Variants in MDM1 observed in about 807,000 individuals in gnomAD.
MDM1 encodes Mdm1 nuclear protein.
A neutral mutation model predicts 89.1 loss-of-function variants in MDM1; 61 were observed. That is an observed-to-expected ratio of 0.68 (90% CI 0.56 to 0.85). MDM1 has a LOEUF of 0.85. Among genes scored for constraint, MDM1 ranks in the 40% least tolerant of loss-of-function variants. MDM1 has a pLI of 0.00. For synonymous variants in MDM1, 290 were observed against 294.1 expected (o/e 0.99, Z 0.14); for missense variants, 820 against 846.5 (o/e 0.97, Z 0.39).
At chr12:68,296,398 T>A (rs1275396938) in intron 14 of MDM1, among the ~76,000 whole-genome samples, 1 of 152,184 alleles carries the variant, frequency 6.6e-6, no homozygotes, top group East Asian at 1.9e-4. Context: ...TTTGGGAGGC[T>A]GAGGCAGGAG....
At chr12:68,296,795 G>T in intron 14 of MDM1, 128 bp downstream of exon 14, 2 of 551,842 alleles carry the variant, frequency 3.6e-6, no homozygotes, top group South Asian at 4.3e-5. Context: ...CCCCTCACAG[G>T]GTTTCAAGGA....
chr12:68,316,705 A>G (rs559879472), intron 7 of MDM1, 95 bp from the exon 8 acceptor site: 1 of 966,356 alleles, frequency 1.0e-6, no homozygotes, highest in East Asian at 2.7e-5. Context: ...TCCCTTCTAA[A>G]TATCTACCAA....
intron 2 of MDM1, chr12:68,327,614 G>A (rs1876200468): frequency 8.9e-7 from 1 of 1,118,444 alleles, no homozygotes; most frequent in East Asian, 2.6e-5. Context: ...CTTCTATGAA[G>A]GTAAGAGCAG....
rs750343138 is a variant in MDM1 at position 68,302,879 on chromosome 12, GACA to G, written c.1750-10_1750-8del. 111 of 738,012 alleles carry G rather than the reference GACA, an allele frequency of 1.5e-4. No homozygotes were observed. Among genetic ancestry groups the G allele is most frequent in the South Asian group, 1.5e-3 (27 of 18,126 alleles). 45.7% of individuals were successfully genotyped at this position (738,012 alleles called of 1,614,324 possible). ...ATACAGCACGACTTTCTTTCTAAAT[GACA>G]AAAAAAAAAAAAAAAAAAAGATGCC... is the stretch of plus-strand genomic sequence containing the variant. On this transcript the variant is annotated splice_region_variant and splice_polypyrimidine_tract_variant and intron_variant, in intron 12 of 14. Transcript: ENST00000682720.
In MDM1 at chr12:68,316,081, G is replaced by A. The variant is rs1421558165; in HGVS notation, c.1208C>T (p.Ala403Val). ...VSSNIRALDL[A>V]GDPTSHKTLQ... ...CCATCCACAAAGAATATCTCACCCAGCAAGATCTAATGCTCTGATGTTGCT... is the reference window on the plus strand; with the variant it reads ...CCATCCACAAAGAATATCTCACCCAACAAGATCTAATGCTCTGATGTTGCT... The change falls in exon 9 of 15, where the codon GCT becomes GTT. Residue 403 changes from alanine to valine, a missense_variant. Coordinates refer to ENST00000682720, the MANE Select transcript of MDM1 (RefSeq NM_001354969.2). 7 of 1,600,714 alleles carry A rather than the reference G, an allele frequency of 4.4e-6. No individual in the cohort carries two copies. In the South Asian group the frequency reaches 7.8e-5, roughly 18 times the overall value.
chr12:68,296,879 T>C lies in MDM1; in HGVS notation c.2062+44A>G, dbSNP rs369590584. Reference sequence around the variant, plus strand: ...CAAATGTAAAGCCATTATACTCTCATAGACTAGAACTCAAACTTTTATGTT... The same window carrying C: ...CAAATGTAAAGCCATTATACTCTCACAGACTAGAACTCAAACTTTTATGTT... On this transcript the variant is annotated intron_variant, in intron 14 of 14. Transcript: ENST00000682720. 35 of 1,374,766 alleles carry C rather than the reference T, an allele frequency of 2.5e-5. No homozygotes were observed. In the African/African-American group the frequency reaches 4.5e-4, roughly 18 times the overall value. The allele number at this position is 1,374,766 out of a possible 1,614,324, so 85.2% of individuals were successfully genotyped here. A position where few individuals can be genotyped will look rare whatever the true frequency, so the allele number is the denominator to read the frequency against.
intron 7 of MDM1, among the ~76,000 whole-genome samples, chr12:68,317,289 T>A (rs1222851376): frequency 6.6e-6 from 1 of 152,064 alleles, no homozygotes; most frequent in East Asian, 1.9e-4. Flanking sequence ...GTAAAAAAAA[T>A]TAAGTTCAAG....
At chr12:68,320,523 C>T (rs1298349841) in intron 7 of MDM1, among the ~76,000 whole-genome samples, 1 of 152,180 alleles carries the variant, frequency 6.6e-6, no homozygotes, top group Admixed American at 6.5e-5. Context: ...TCAGCGCACC[C>T]GAGCACCAGC....
intron 10 of MDM1, among the ~76,000 whole-genome samples, chr12:68,314,092 G>A (rs1192003406): frequency 6.8e-6 from 1 of 147,942 alleles, no homozygotes; most frequent in African/African-American, 2.5e-5. Context: ...AGCCGATATC[G>A]TGCCACTGCA....
rs180946733 is a variant in MDM1, at chr12:68,319,245, C to T, written c.1005+2102G>A. Among the ~76,000 whole-genome samples the T allele has an allele frequency of 1.5e-3, 223 of 152,246 alleles. 1 individual carries two copies. Among genetic ancestry groups the T allele is most frequent in the African/African-American group, 4.9e-3 (203 of 41,540 alleles). ...GTTATTATAATGGAGATGACAAATACACAACCACTGGGCAAATAAAACCAA... is the reference window on the plus strand; with the variant it reads ...GTTATTATAATGGAGATGACAAATATACAACCACTGGGCAAATAAAACCAA... On this transcript the variant is annotated intron_variant, in intron 7 of 14. Coordinates refer to ENST00000682720, the MANE Select transcript of MDM1 (RefSeq NM_001354969.2).
intron 1 of MDM1, chr12:68,332,022 G>A: frequency 1.4e-6 from 1 of 723,344 alleles, no homozygotes. Context: ...TCGACACACT[G>A]CAGCTTGCAA....
chr12:68,296,301 C>T (rs545327351), intron 14 of MDM1, among the ~76,000 whole-genome samples: 2 of 152,312 alleles, frequency 1.3e-5, no homozygotes, highest in South Asian at 2.1e-4. Flanking sequence ...AGTTTGAGAC[C>T]ATCCTGGCCA....
intron 13 of MDM1, among the ~76,000 whole-genome samples, chr12:68,301,344 T>C (rs900899005): frequency 6.6e-6 from 1 of 152,172 alleles, no homozygotes; most frequent in Non-Finnish European, 1.5e-5. Flanking sequence ...TTATTCTAAA[T>C]TGAGTAACTC....
chr12:68,329,360 G>A (rs867991978), intron 2 of MDM1, among the ~76,000 whole-genome samples: 6 of 152,122 alleles, frequency 3.9e-5, no homozygotes, highest in South Asian at 2.1e-4. Context: ...ATACCTCGTC[G>A]TCTTACTAAC....
At chr12:68,329,354 C>G (rs779758104) in intron 2 of MDM1, among the ~76,000 whole-genome samples, 1 of 152,162 alleles carries the variant, frequency 6.6e-6, no homozygotes, top group Non-Finnish European at 1.5e-5. Flanking sequence ...CTGAAAATAC[C>G]TCGTCGTCTT....
At chr12:68,316,333 T>G (rs1006040553) in intron 8 of MDM1, 80 bp from the exon 9 acceptor site, 92 of 1,426,474 alleles carry the variant, frequency 6.4e-5, no homozygotes, top group Non-Finnish European at 8.0e-5. Context: ...TCAAAGACAT[T>G]GCACAAATAC....
At chr12:68,312,098 A>AC (rs1873776339) in intron 12 of MDM1, among the ~76,000 whole-genome samples, 3 of 152,048 alleles carry the variant, frequency 2.0e-5, no homozygotes, top group Admixed American at 2.0e-4. Context: ...AGACCTGTCT[A>AC]CAACTATTCT....
chr12:68,302,993 T>TA, intron 12 of MDM1, 121 bp from the exon 13 acceptor site: 1 of 408,882 alleles, frequency 2.4e-6, no homozygotes, highest in Non-Finnish European at 4.4e-6. Context: ...TGAGAGAATT[T>TA]ATGCAACATC....
intron 2 of MDM1, among the ~76,000 whole-genome samples, chr12:68,329,457 A>G (rs1274340417): frequency 6.6e-6 from 1 of 152,188 alleles, no homozygotes; most frequent in African/African-American, 2.4e-5. Context: ...GCTCGCACAC[A>G]TCACATGTGG....
Sources: gnomAD v4.1 joint callset for allele counts (sites outside exome capture counted in the v4.1 genomes callset) on GRCh38, gnomAD v4.1.1 for gene constraint, MANE v1.5 for transcripts, NCBI Gene and HGNC (gene_info 2026-07-23, HGNC 2026-07-21) for gene names.